VPS8: variants seen among roughly 807,000 people sequenced by gnomAD.
VPS8 encodes the protein VPS8 subunit of CORVET complex.
Under a neutral mutation model 216.4 loss-of-function variants are expected in VPS8, and 129 were observed. That is an observed-to-expected ratio of 0.60 (90% CI 0.52 to 0.69). VPS8 has a LOEUF of 0.69. VPS8 is among the 30% of genes least tolerant of loss of function. The pLI is 0.00. For synonymous variants in VPS8, 571 were observed against 565.4 expected, an observed-to-expected ratio of 1.01 and a Z score of -0.14; for missense variants, 1,531 against 1,683.5, an observed-to-expected ratio of 0.91 and a Z score of 1.59.
At chr3:184,849,760 C>T (rs558710504) in intron 9 of VPS8, 176 bp from the exon 10 acceptor site, 3 of 582,496 alleles carry the variant, frequency 5.2e-6, no homozygotes, top group Admixed American at 3.3e-5. Context: ...AAATGAAGAT[C>T]GAATAAAGGC....
intron 21 of VPS8, chr3:184,882,443 T>C: frequency 2.3e-6 from 1 of 439,118 alleles, no homozygotes; most frequent in Non-Finnish European, 4.5e-6. Context: ...GGTATAATTC[T>C]TTTTATGTAA....
At chr3:184,863,977 G>C (rs1726868938) in intron 16 of VPS8, among the ~76,000 whole-genome samples, 1 of 152,118 alleles carries the variant, frequency 6.6e-6, no homozygotes, top group Non-Finnish European at 1.5e-5. Flanking sequence ...AATTCACTAA[G>C]TGATAATAAT....
chr3:185,031,063 GTTTT>G (rs765510619), intron 46 of VPS8, among the ~76,000 whole-genome samples: 16 of 64,354 alleles, frequency 2.5e-4, no homozygotes, highest in South Asian at 1.2e-3. Context: ...ACAGGTTGGC[GTTTT>G]TTTTTTTTTT....
At chr3:184,999,294 G>A (rs183323419) in intron 44 of VPS8, among the ~76,000 whole-genome samples, 15 of 152,270 alleles carry the variant, frequency 9.9e-5, no homozygotes, top group Middle Eastern at 3.4e-3. Context: ...CCTAACCTCA[G>A]CTGATCTGCC....
chr3:184,859,682 A>G (rs1170320375), intron 14 of VPS8, among the ~76,000 whole-genome samples: 1 of 152,168 alleles, frequency 6.6e-6, no homozygotes, highest in African/African-American at 2.4e-5. Context: ...CTTTAATTAT[A>G]GTCATTGATG....
intron 42 of VPS8, among the ~76,000 whole-genome samples, chr3:184,988,663 A>G (rs961115346): frequency 1.3e-5 from 2 of 152,188 alleles, no homozygotes; most frequent in Admixed American, 1.3e-4. Context: ...TTTAAACTTC[A>G]GAAACGGTTT....
intron 22 of VPS8, among the ~76,000 whole-genome samples, chr3:184,892,248 T>C (rs1732481846): frequency 6.6e-6 from 1 of 152,190 alleles, no homozygotes; most frequent in African/African-American, 2.4e-5. Flanking sequence ...TATTTTGAGA[T>C]AGAGTTTCGC....
At chr3:184,828,564 T>G (rs1214621289) in intron 3 of VPS8, among the ~76,000 whole-genome samples, 1 of 152,194 alleles carries the variant, frequency 6.6e-6, no homozygotes, top group Non-Finnish European at 1.5e-5. Context: ...ATTTTTAATT[T>G]TGAAATTCCA....
rs576144221 is a variant in VPS8 at position 184,881,777 on chromosome 3, CT to C, written c.1735-4326del. 1.2e-4 allele frequency among the ~76,000 whole-genome samples: 19 copies of C among 152,036 alleles called. No homozygotes were observed. In the South Asian group the frequency reaches 1.5e-3, roughly 12 times the overall value. On this transcript the variant is annotated intron_variant, in intron 21 of 47. Coordinates refer to ENST00000625842, the MANE Select transcript of VPS8 (RefSeq NM_001009921.3). ...TTTCCTAGTTTTTCCATTTATTTCA[CT>C]TTTTTTGTAATTTTTAGTATACAGG...
intron 40 of VPS8, among the ~76,000 whole-genome samples, chr3:184,980,432 GAATGCCA>G (rs1750012294): frequency 6.6e-6 from 1 of 152,040 alleles, no homozygotes; most frequent in African/African-American, 2.4e-5. Context: ...TCTCTTTCAG[GAATGCCA>G]AAGGTTTGGT....
chr3:184,829,399 A>G (rs1560287125), intron 3 of VPS8, among the ~76,000 whole-genome samples: 1 of 152,046 alleles, frequency 6.6e-6, no homozygotes, highest in African/African-American at 2.4e-5. Context: ...TATTTTTAGT[A>G]GAGACGGGGT....
At chr3:184,957,974 T>A (rs1159217905) in intron 37 of VPS8, among the ~76,000 whole-genome samples, 1 of 152,218 alleles carries the variant, frequency 6.6e-6, no homozygotes, top group Non-Finnish European at 1.5e-5. Flanking sequence ...TATGTCCTGC[T>A]ATCAGGCAGA....
chr3:184,911,100 A>G (rs956188419), intron 25 of VPS8, among the ~76,000 whole-genome samples: 1 of 152,234 alleles, frequency 6.6e-6, no homozygotes, highest in African/African-American at 2.4e-5. Flanking sequence ...AATGGAATTG[A>G]TGATCTTTTA....
At position 184,862,886 on chromosome 3, in the gene VPS8, T is replaced by G. The variant is rs1048442769; in HGVS notation, c.1225-11T>G. 2 of 1,606,244 alleles carry G rather than the reference T, an allele frequency of 1.2e-6. No homozygotes were observed. Among genetic ancestry groups the G allele is most frequent in the Non-Finnish European group, 1.7e-6 (2 of 1,174,868 alleles). ...GTCTCACTTTTGTTTTGTTGTGTGCTTGAATTACAGTGGATAAATTCACGC... is the reference window on the plus strand; with the variant it reads ...GTCTCACTTTTGTTTTGTTGTGTGCGTGAATTACAGTGGATAAATTCACGC... On this transcript the variant is annotated splice_polypyrimidine_tract_variant and intron_variant, in intron 15 of 47. Coordinates refer to ENST00000625842, the MANE Select transcript of VPS8 (RefSeq NM_001009921.3).
intron 45 of VPS8, among the ~76,000 whole-genome samples, chr3:185,016,058 C>T (rs992599446): frequency 1.6e-4 from 25 of 152,066 alleles, no homozygotes; most frequent in African/African-American, 5.6e-4. Flanking sequence ...TGTTAGTTGC[C>T]GAGGGCTAGT....
chr3:184,841,315 T>C lies in VPS8; in HGVS notation c.535+1563T>C, dbSNP rs1577837839. 2.6e-5 allele frequency among the ~76,000 whole-genome samples: 4 copies of C among 152,236 alleles called. No individual in the cohort carries two copies. In the South Asian group the frequency reaches 8.3e-4, roughly 32 times the overall value. ...TTCTGTACCTATATATGTGTATCTA[T>C]ACACCCTCAAATGGGATCATGTTAA... On this transcript the variant is annotated intron_variant, in intron 7 of 47. Coordinates refer to ENST00000625842, the MANE Select transcript of VPS8 (RefSeq NM_001009921.3).
chr3:184,888,341 A>G (rs1274163422), intron 22 of VPS8, among the ~76,000 whole-genome samples: 1 of 152,112 alleles, frequency 6.6e-6, no homozygotes, highest in African/African-American at 2.4e-5. Context: ...CTACGGGAGA[A>G]ATTTCTTTCC....
intron 46 of VPS8, among the ~76,000 whole-genome samples, chr3:185,041,304 C>T (rs755703821): frequency 6.6e-6 from 1 of 152,070 alleles, no homozygotes; most frequent in Non-Finnish European, 1.5e-5. Context: ...CAACTGAGAG[C>T]TAATGGCTGT....
chr3:184,882,950 CT>C (rs1730533062), intron 21 of VPS8, among the ~76,000 whole-genome samples: 1 of 152,138 alleles, frequency 6.6e-6, no homozygotes, highest in African/African-American at 2.4e-5. Flanking sequence ...GTCAGTCTTG[CT>C]AGAAGTTTGT....
Sources: gnomAD v4.1 joint callset for allele counts (sites outside exome capture counted in the v4.1 genomes callset) on GRCh38, gnomAD v4.1.1 for gene constraint, MANE v1.5 for transcripts, NCBI Gene and HGNC (gene_info 2026-07-23, HGNC 2026-07-21) for gene names.